Variants in KCNAB1 observed in about 807,000 individuals in gnomAD.
KCNAB1 encodes potassium voltage-gated channel subfamily A regulatory beta subunit 1, also known as voltage-gated potassium channel subunit beta-1.
KCNAB1 carries 35 observed loss-of-function variants against 64.6 expected under a neutral mutation model. That is an observed-to-expected ratio of 0.54 (90% CI 0.41 to 0.72). KCNAB1 has a LOEUF of 0.72. KCNAB1 is among the 30% of genes least tolerant of loss of function. The pLI is 0.00. For synonymous variants in KCNAB1, 177 were observed against 183.8 expected (o/e 0.96, Z 0.30); for missense variants, 401 against 512.9 (o/e 0.78, Z 2.11).
intron 1 of KCNAB1, among the ~76,000 whole-genome samples, chr3:156,171,339 A>G (rs956067338): frequency 1.3e-5 from 2 of 152,198 alleles, no homozygotes; most frequent in African/African-American, 4.8e-5. Flanking sequence ...ATGTCATTGA[A>G]TAATTGCTTT....
chr3:156,322,255 CCA>C (rs1444060598), intron 1 of KCNAB1, among the ~76,000 whole-genome samples: 1 of 152,130 alleles, frequency 6.6e-6, no homozygotes, highest in Non-Finnish European at 1.5e-5. Flanking sequence ...TTTTCTGCCC[CCA>C]GTGTGTTTTA....
intron 8 of KCNAB1, among the ~76,000 whole-genome samples, chr3:156,496,199 A>G (rs1280291176): frequency 6.6e-6 from 1 of 152,162 alleles, no homozygotes; most frequent in Non-Finnish European, 1.5e-5. Flanking sequence ...AAAGAAAAAT[A>G]TTATTATTGT....
At chr3:156,494,898 T>G (rs1715897090) in intron 8 of KCNAB1, among the ~76,000 whole-genome samples, 1 of 152,260 alleles carries the variant, frequency 6.6e-6, no homozygotes, top group Middle Eastern at 3.4e-3. Flanking sequence ...GGAATACATG[T>G]GTAGGATGTA....
At chr3:156,499,406 TG>T (rs1245353560) in intron 8 of KCNAB1, among the ~76,000 whole-genome samples, 1 of 152,212 alleles carries the variant, frequency 6.6e-6, no homozygotes, top group Non-Finnish European at 1.5e-5. Context: ...CTGGTACCAC[TG>T]CTTACAAAAG....
intron 1 of KCNAB1, among the ~76,000 whole-genome samples, chr3:156,268,891 G>C (rs1287608451): frequency 6.6e-6 from 1 of 152,058 alleles, no homozygotes; most frequent in East Asian, 1.9e-4. Context: ...TTTTGCTTTG[G>C]TTGTCTGTGT....
At chr3:156,442,358 C>T (rs1288195922) in intron 2 of KCNAB1, among the ~76,000 whole-genome samples, 1 of 152,158 alleles carries the variant, frequency 6.6e-6, no homozygotes, top group Non-Finnish European at 1.5e-5. Context: ...ACATCCCCAC[C>T]GTTCATCCTA....
intron 1 of KCNAB1, among the ~76,000 whole-genome samples, chr3:156,315,424 A>G (rs1432033826): frequency 6.6e-6 from 1 of 152,164 alleles, no homozygotes; most frequent in East Asian, 1.9e-4. Flanking sequence ...CCACTTCCAC[A>G]ACCAGGAGCA....
intron 1 of KCNAB1, chr3:156,176,166 G>A: frequency 1.3e-6 from 1 of 772,626 alleles, no homozygotes; most frequent in Non-Finnish European, 2.4e-6. Context: ...CCATTGCATT[G>A]GACAAGAGAT....
At chr3:156,140,895 T>C (rs2108278910) in intron 1 of KCNAB1, among the ~76,000 whole-genome samples, 1 of 152,150 alleles carries the variant, frequency 6.6e-6, no homozygotes, top group African/African-American at 2.4e-5. Flanking sequence ...TGTGCGCGTG[T>C]GTGAAGATTC....
At chr3:156,281,651 T>C (rs2108504639) in intron 1 of KCNAB1, among the ~76,000 whole-genome samples, 1 of 152,318 alleles carries the variant, frequency 6.6e-6, no homozygotes, top group Admixed American at 6.5e-5. Context: ...GCTCCTGTTA[T>C]TGGGCTATTC....
chr3:156,421,925 C>T (rs1401715469), intron 2 of KCNAB1, among the ~76,000 whole-genome samples: 6 of 152,114 alleles, frequency 3.9e-5, no homozygotes, highest in Non-Finnish European at 7.4e-5. Context: ...GGGACTCATG[C>T]GTCACTCCCA....
At chr3:156,484,690 T>G (rs1040905197) in intron 8 of KCNAB1, among the ~76,000 whole-genome samples, 3 of 152,102 alleles carry the variant, frequency 2.0e-5, no homozygotes, top group African/African-American at 7.2e-5. Context: ...GCATGCTGAT[T>G]GAATGCAGTG....
At chr3:156,413,483 C>T (rs1317782316) in intron 1 of KCNAB1, among the ~76,000 whole-genome samples, 1 of 152,186 alleles carries the variant, frequency 6.6e-6, no homozygotes, top group Non-Finnish European at 1.5e-5. Flanking sequence ...CTGCAACCCT[C>T]ACATTGAATC....
At chr3:156,504,751 GTT>G (rs71302274) in intron 8 of KCNAB1, among the ~76,000 whole-genome samples, 1 of 132,750 alleles carries the variant, frequency 7.5e-6, no homozygotes. Flanking sequence ...TGTTTTTTTT[GTT>G]TTTTTTTTTT....
intron 1 of KCNAB1, among the ~76,000 whole-genome samples, chr3:156,386,003 C>T (rs766849335): frequency 6.6e-5 from 10 of 152,102 alleles, no homozygotes; most frequent in Non-Finnish European, 1.3e-4. Context: ...ATGATTGTTA[C>T]TGGTGGAAGG....
At chr3:156,121,693 A>C (rs941399601) in intron 1 of KCNAB1, among the ~76,000 whole-genome samples, 6 of 152,236 alleles carry the variant, frequency 3.9e-5, no homozygotes, top group African/African-American at 1.4e-4. Flanking sequence ...AATACCTAGA[A>C]TAGCTATGTT....
At chr3:156,258,632 CA>C (rs1452044044) in intron 1 of KCNAB1, among the ~76,000 whole-genome samples, 1 of 152,140 alleles carries the variant, frequency 6.6e-6, no homozygotes, top group African/African-American at 2.4e-5. Context: ...AATTTTATGA[CA>C]GTTAAGAATT....
At chr3:156,374,961 T>C (rs1711550403) in intron 1 of KCNAB1, among the ~76,000 whole-genome samples, 2 of 136,128 alleles carry the variant, frequency 1.5e-5, no homozygotes, top group Non-Finnish European at 3.1e-5. Flanking sequence ...CCAACATCAT[T>C]CTTTGATATA....
chr3:156,232,195 A>G (rs1218748601), intron 1 of KCNAB1, among the ~76,000 whole-genome samples: 1 of 152,206 alleles, frequency 6.6e-6, no homozygotes, highest in African/African-American at 2.4e-5. Flanking sequence ...TAGATTAATA[A>G]TTTGCCTCCT....
Sources: gnomAD v4.1 joint callset for allele counts (sites outside exome capture counted in the v4.1 genomes callset) on GRCh38, gnomAD v4.1.1 for gene constraint, MANE v1.5 for transcripts, NCBI Gene and HGNC (gene_info 2026-07-23, HGNC 2026-07-21) for gene names.